Variants in GPBP1 observed in about 807,000 individuals in gnomAD.
GPBP1 encodes GC-rich promoter binding protein 1, also known as vasculin.
A neutral mutation model predicts 56.5 loss-of-function variants in GPBP1; 13 were observed. The ratio of observed to expected loss-of-function variants is 0.23; its 90% CI spans 0.15 to 0.37. GPBP1 has a LOEUF of 0.37. GPBP1 is among the 10% of genes least tolerant of loss of function. The pLI, the probability that GPBP1 is intolerant of heterozygous loss-of-function variation, is 1.00. For synonymous variants in GPBP1, 204 were observed against 188.9 expected, an observed-to-expected ratio of 1.08 and a Z score of -0.66; for missense variants, 477 against 572.3, an observed-to-expected ratio of 0.83 and a Z score of 1.70.
chr5:57,188,671 A>T (rs1466304166), intron 2 of GPBP1, among the ~76,000 whole-genome samples: 2 of 152,128 alleles, frequency 1.3e-5, no homozygotes, highest in African/African-American at 4.8e-5. Flanking sequence ...TAAACACGTC[A>T]GGCAGAGGTT....
chr5:57,251,771 C>T (rs962143829), intron 10 of GPBP1, among the ~76,000 whole-genome samples: 1 of 152,028 alleles, frequency 6.6e-6, no homozygotes, highest in Non-Finnish European at 1.5e-5. Context: ...AAACTATTTT[C>T]CAAAATGACT....
At chr5:57,256,535 A>C (rs1741672386) in intron 10 of GPBP1, among the ~76,000 whole-genome samples, 1 of 152,110 alleles carries the variant, frequency 6.6e-6, no homozygotes, top group Admixed American at 6.6e-5. Flanking sequence ...CTATAAAAAG[A>C]GAGAGTTATG....
At chr5:57,175,370 T>G (rs1753754665) in intron 1 of GPBP1, 78 bp from the exon 2 acceptor site, 1 of 395,394 alleles carries the variant, frequency 2.5e-6, no homozygotes, top group African/African-American at 2.1e-5. Flanking sequence ...CTCCAGAGGT[T>G]GACTTTTTAA....
intron 3 of GPBP1, among the ~76,000 whole-genome samples, chr5:57,227,200 C>A (rs1298471163): frequency 4.6e-5 from 7 of 152,068 alleles, no homozygotes; most frequent in Admixed American, 3.9e-4. Flanking sequence ...TTACAGGCAC[C>A]CACCACCATA....
intron 9 of GPBP1, 144 bp downstream of exon 9, chr5:57,249,720 C>A: frequency 1.8e-6 from 1 of 550,746 alleles, no homozygotes; most frequent in Non-Finnish European, 3.1e-6. Context: ...GACTTGGCTT[C>A]TCCCCTCCTC....
At chr5:57,236,457 G>GTA (rs140063276) in intron 6 of GPBP1, among the ~76,000 whole-genome samples, 11,554 of 151,804 alleles carry the variant, frequency 0.076, 599 homozygotes, top group South Asian at 0.11. Context: ...AAGTGGTTAC[G>GTA]TATATATATA....
intron 3 of GPBP1, among the ~76,000 whole-genome samples, chr5:57,223,573 G>A (rs995341326): frequency 6.6e-6 from 1 of 151,948 alleles, no homozygotes; most frequent in Admixed American, 6.6e-5. Flanking sequence ...TTGTGAAGTA[G>A]TACTAGAAGA....
chr5:57,256,555 A>G (rs1019565242), intron 10 of GPBP1, among the ~76,000 whole-genome samples: 24 of 152,168 alleles, frequency 1.6e-4, no homozygotes, highest in Middle Eastern at 6.8e-3. Context: ...GCATACGAAT[A>G]CCATTATCTA....
intron 10 of GPBP1, among the ~76,000 whole-genome samples, chr5:57,255,190 T>A (rs1741600266): frequency 6.7e-6 from 1 of 149,268 alleles, no homozygotes; most frequent in African/African-American, 2.5e-5. Flanking sequence ...ACGTCCTCTC[T>A]CTCTTCTCTC....
chr5:57,262,999 T>C lies in GPBP1; in HGVS notation c.*247T>C, dbSNP rs1320740536. 1.5e-5 allele frequency: 5 copies of C among 334,000 alleles called. No homozygotes were observed. The highest frequency in any genetic ancestry group is 2.7e-5 in the Non-Finnish European group (5 of 183,606). The allele number at this position is 334,000 out of a possible 1,614,324, so 20.7% of individuals were successfully genotyped here. A position where few individuals can be genotyped will look rare whatever the true frequency, so the allele number is the denominator to read the frequency against. On this transcript the variant is annotated 3_prime_UTR_variant, in exon 12 of 12. Coordinates refer to ENST00000506184, the MANE Select transcript of GPBP1 (RefSeq NM_022913.4). The stretch of plus-strand genomic sequence containing the variant: ...GTCCAACATTGACTTTCTTCATCAC[T>C]GCAACATTTCTCTGACTAGCAATGT...
intron 3 of GPBP1, among the ~76,000 whole-genome samples, chr5:57,219,118 G>A (rs1392271552): frequency 1.3e-5 from 2 of 151,908 alleles, no homozygotes; most frequent in Non-Finnish European, 2.9e-5. Context: ...ACTCACGTCT[G>A]TAATCCCAGC....
At chr5:57,174,891 C>T (rs1004838073) in intron 1 of GPBP1, among the ~76,000 whole-genome samples, 4 of 152,138 alleles carry the variant, frequency 2.6e-5, no homozygotes, top group African/African-American at 4.8e-5. Flanking sequence ...GGGGAAGTCT[C>T]CTCGGGAGAA....
At chr5:57,201,196 G>A (rs1490087892) in intron 2 of GPBP1, among the ~76,000 whole-genome samples, 1 of 151,754 alleles carries the variant, frequency 6.6e-6, no homozygotes, top group Non-Finnish European at 1.5e-5. Context: ...CTCTTTTTTT[G>A]AGTCAGGGCC....
At chr5:57,254,997 G>A (rs1741587691) in intron 10 of GPBP1, among the ~76,000 whole-genome samples, 1 of 152,090 alleles carries the variant, frequency 6.6e-6, no homozygotes, top group Non-Finnish European at 1.5e-5. Context: ...GTCAAATACA[G>A]AAAAAATTTA....
Position 57,250,939 on chromosome 5 carries a change from C to G in GPBP1, c.973-15C>G. On this transcript the variant is annotated splice_polypyrimidine_tract_variant and intron_variant, in intron 9 of 11. Transcript: ENST00000506184. Reference sequence around the variant, plus strand: ...AACTCATTCTTTTTTTTTTTTTTAACTCTCTAAAAATCAGGATGACGACTC... The same window carrying G: ...AACTCATTCTTTTTTTTTTTTTTAAGTCTCTAAAAATCAGGATGACGACTC... 8.1e-7 allele frequency: 1 copy of G among 1,232,152 alleles called. No homozygotes were observed. Among genetic ancestry groups the G allele is most frequent in the Non-Finnish European group, 1.1e-6 (1 of 907,342 alleles). The allele number at this position is 1,232,152 out of a possible 1,614,324, so 76.3% of individuals were successfully genotyped here.
In GPBP1 at chr5:57,175,758, C is replaced by T. The variant is rs958326703; in HGVS notation, c.-700C>T. 2.5e-6 allele frequency: 1 copy of T among 396,534 alleles called. No homozygotes were observed. The highest frequency in any genetic ancestry group is 2.1e-5 in the African/African-American group (1 of 48,686). 24.6% of individuals were successfully genotyped at this position (396,534 alleles called of 1,614,324 possible). A position where few individuals can be genotyped will look rare whatever the true frequency, so the allele number is the denominator to read the frequency against. On this transcript the variant is annotated 5_prime_UTR_variant, in exon 2 of 12. Coordinates refer to ENST00000506184, the MANE Select transcript of GPBP1 (RefSeq NM_022913.4). ...CACCCCGTTGTTGGGGTTCTTCAGC[C>T]GAAACTGAGAGACGTTGATTTGTGT... is the stretch of plus-strand genomic sequence containing the variant.
rs371637167 is a variant in GPBP1 at position 57,214,212 on chromosome 5, T to G, written c.63+19T>G. 6.4e-7 allele frequency: 1 copy of G among 1,564,852 alleles called. No individual in the cohort carries two copies. Among genetic ancestry groups the G allele is most frequent in the African/African-American group, 1.4e-5 (1 of 73,894 alleles). ...AACAAAGGTACTCTTTCTGCATCTT[T>G]CTTTCTGTCTGCTTCTCTTGCATTC... On this transcript the variant is annotated intron_variant, in intron 3 of 11. Transcript: ENST00000506184.
intron 2 of GPBP1, among the ~76,000 whole-genome samples, chr5:57,192,401 C>G (rs867369256): frequency 2.0e-5 from 3 of 152,166 alleles, no homozygotes; most frequent in Admixed American, 6.5e-5. Context: ...TGATTGAGAC[C>G]TGTATTTTGT....
intron 2 of GPBP1, among the ~76,000 whole-genome samples, chr5:57,199,969 A>C (rs1002020707): frequency 1.3e-5 from 2 of 150,438 alleles, no homozygotes; most frequent in Non-Finnish European, 2.9e-5. Flanking sequence ...ACCTGCCGCA[A>C]AGTGCTGGGA....
Sources: gnomAD v4.1 joint callset for allele counts (sites outside exome capture counted in the v4.1 genomes callset) on GRCh38, gnomAD v4.1.1 for gene constraint, MANE v1.5 for transcripts, NCBI Gene and HGNC (gene_info 2026-07-23, HGNC 2026-07-21) for gene names.